The following CNTNAP2 variants were observed in gnomAD, a reference collection of about 807,000 sequenced individuals.
CNTNAP2 encodes contactin-associated protein-like 2.
In CNTNAP2, 98 loss-of-function variants were observed where a neutral mutation model predicts 155.2. The ratio of observed to expected loss-of-function variants is 0.63; its 90% CI spans 0.54 to 0.75. The LOEUF (loss-of-function observed/expected upper bound fraction) is 0.75. CNTNAP2 is among the 30% of genes least tolerant of loss of function. The pLI is 0.00. For missense variants in CNTNAP2, 1,727 were observed against 1,688.1 expected, an observed-to-expected ratio of 1.02 and a Z score of -0.40; for synonymous variants, 651 against 631.2, an observed-to-expected ratio of 1.03 and a Z score of -0.47.
chr7:146,863,140 G>C (rs889980486), intron 3 of CNTNAP2, among the ~76,000 whole-genome samples: 5 of 152,116 alleles, frequency 3.3e-5, no homozygotes, highest in African/African-American at 9.7e-5. Flanking sequence ...ATAGAATGAA[G>C]AGTGAACCTG....
At chr7:146,211,681 T>A in intron 1 of CNTNAP2, among the ~76,000 whole-genome samples, 1 of 152,052 alleles carries the variant, frequency 6.6e-6, no homozygotes, top group Non-Finnish European at 1.5e-5. Context: ...TGTGAATAGG[T>A]ATATTGGAAT....
intron 1 of CNTNAP2, among the ~76,000 whole-genome samples, chr7:146,418,130 G>A (rs922286785): frequency 6.6e-6 from 1 of 152,206 alleles, no homozygotes; most frequent in Non-Finnish European, 1.5e-5. Context: ...TGAAAGAGAA[G>A]AAGAAGATGT....
At chr7:147,088,921 G>A (rs949674463) in intron 4 of CNTNAP2, among the ~76,000 whole-genome samples, 11 of 152,062 alleles carry the variant, frequency 7.2e-5, no homozygotes, top group Non-Finnish European at 8.8e-5. Flanking sequence ...TCCAGCCTGG[G>A]TGACAGAGCA....
chr7:148,079,251 G>A (rs905201264), intron 15 of CNTNAP2, among the ~76,000 whole-genome samples: 1 of 152,178 alleles, frequency 6.6e-6, no homozygotes, highest in Admixed American at 6.5e-5. Flanking sequence ...GACATCACTC[G>A]ATACATGTAA....
rs141632696 is a variant in CNTNAP2, at chr7:147,626,424, T to C, written c.1898-12682T>C. Among the ~76,000 whole-genome samples the C allele has an allele frequency of 5.2e-4, 79 of 152,148 alleles. 1 individual carries two copies. Among genetic ancestry groups the C allele is most frequent in the Middle Eastern group, 3.4e-3 (1 of 294 alleles). ...TGACACAGCAGAGGCAGCCAAGATG[T>C]CTTTTGGCCTGAGAACCACCCTGCA... On this transcript the variant is annotated intron_variant, in intron 12 of 23. Transcript: ENST00000361727.
intron 14 of CNTNAP2, among the ~76,000 whole-genome samples, chr7:147,913,658 C>T (rs145963620): frequency 2.6e-5 from 4 of 152,320 alleles, no homozygotes; most frequent in East Asian, 1.9e-4. Flanking sequence ...AGGTACTGCA[C>T]GATGGCAGCT....
At chr7:147,575,037 T>C (rs1351951849) in intron 12 of CNTNAP2, among the ~76,000 whole-genome samples, 1 of 152,098 alleles carries the variant, frequency 6.6e-6, no homozygotes, top group East Asian at 1.9e-4. Context: ...TGAGCACATA[T>C]TCATTTACTT....
Position 147,874,183 on chromosome 7 carries a change from C to T in CNTNAP2, c.2099-29382C>T, listed in dbSNP as rs569034704. Among the ~76,000 whole-genome samples, 66 of 152,318 alleles carry T rather than the reference C, an allele frequency of 4.3e-4. No homozygotes were observed. The Middle Eastern group carries it at 0.02, about 47-fold the overall frequency. On this transcript the variant is annotated intron_variant, in intron 13 of 23. Transcript: ENST00000361727. ...CATTCTGGGGTCTGGAGGACGGTGA[C>T]GCTCTTCTCACAGCTCCACTATGCA...
At chr7:146,194,975 A>G (rs1798755540) in intron 1 of CNTNAP2, 1 of 152,210 alleles carries the variant, frequency 6.6e-6, no homozygotes, top group Non-Finnish European at 1.5e-5. Flanking sequence ...AAATATTTAA[A>G]TACTAATCTG....
intron 16 of CNTNAP2, among the ~76,000 whole-genome samples, chr7:148,140,274 T>G (rs993278638): frequency 1.3e-5 from 2 of 152,116 alleles, no homozygotes; most frequent in Non-Finnish European, 2.9e-5. Flanking sequence ...TTACTGAGAC[T>G]CCGTTATATA....
At chr7:146,466,566 C>T (rs1355216613) in intron 1 of CNTNAP2, among the ~76,000 whole-genome samples, 1 of 152,064 alleles carries the variant, frequency 6.6e-6, no homozygotes, top group Admixed American at 6.6e-5. Flanking sequence ...TCCCAAATTC[C>T]CTTTCCTTTA....
At chr7:147,309,130 G>C (rs534509809) in intron 9 of CNTNAP2, among the ~76,000 whole-genome samples, 1 of 152,248 alleles carries the variant, frequency 6.6e-6, no homozygotes, top group East Asian at 1.9e-4. Flanking sequence ...GGGGTTGGAG[G>C]GGGGTAGAAA....
intron 16 of CNTNAP2, 57 bp downstream of exon 16, chr7:148,118,345 T>A: frequency 6.3e-7 from 1 of 1,587,064 alleles, no homozygotes; most frequent in East Asian, 2.2e-5. Context: ...CTCAGGGTGG[T>A]CCGGGTCCTG....
chr7:146,361,044 A>G (rs1032361944), intron 1 of CNTNAP2, among the ~76,000 whole-genome samples: 1 of 152,204 alleles, frequency 6.6e-6, no homozygotes, highest in Non-Finnish European at 1.5e-5. Flanking sequence ...AATTGCAAAC[A>G]TGTCAATATT....
intron 13 of CNTNAP2, among the ~76,000 whole-genome samples, chr7:147,871,408 A>T (rs1353382463): frequency 6.6e-6 from 1 of 152,148 alleles, no homozygotes; most frequent in Non-Finnish European, 1.5e-5. Flanking sequence ...ATGCTTGTAC[A>T]TGTGCTATTT....
intron 3 of CNTNAP2, among the ~76,000 whole-genome samples, chr7:146,881,359 T>C (rs1795547026): frequency 6.6e-6 from 1 of 152,164 alleles, no homozygotes; most frequent in Non-Finnish European, 1.5e-5. Flanking sequence ...ATTGTGGGAT[T>C]TATTAGGATA....
intron 1 of CNTNAP2, among the ~76,000 whole-genome samples, chr7:146,440,592 A>T (rs567237152): frequency 1.3e-4 from 19 of 151,610 alleles, no homozygotes; most frequent in Admixed American, 2.6e-4. Context: ...CTTCATTTTT[A>T]AAAAAATCAG....
intron 3 of CNTNAP2, among the ~76,000 whole-genome samples, chr7:147,004,383 A>G (rs1798486306): frequency 6.6e-6 from 1 of 151,942 alleles, no homozygotes. Context: ...AAAATAATTG[A>G]CCTTGTAGAA....
chr7:148,294,211 G>A (rs960803700), intron 21 of CNTNAP2, among the ~76,000 whole-genome samples: 8 of 152,012 alleles, frequency 5.3e-5, no homozygotes, highest in Non-Finnish European at 1.0e-4. Context: ...CAGAAGGCAC[G>A]CTGGCACCCA....
Sources: gnomAD v4.1 joint callset for allele counts (sites outside exome capture counted in the v4.1 genomes callset) on GRCh38, gnomAD v4.1.1 for gene constraint, MANE v1.5 for transcripts, NCBI Gene and HGNC (gene_info 2026-07-23, HGNC 2026-07-21) for gene names.